Variants in RAPGEFL1 observed in about 807,000 individuals in gnomAD.
The protein encoded by RAPGEFL1 is Rap guanine nucleotide exchange factor like 1.
RAPGEFL1 carries 31 observed loss-of-function variants against 64.4 expected under a neutral mutation model. The ratio of observed to expected loss-of-function variants is 0.48; its 90% CI spans 0.36 to 0.65. The LOEUF (loss-of-function observed/expected upper bound fraction) is 0.65. Among genes scored for constraint, RAPGEFL1 ranks in the 30% least tolerant of loss-of-function variants. The probability of loss-of-function intolerance (pLI) is 0.00; values close to 1 mark genes in which losing one functional copy is unlikely to be tolerated. For missense variants in RAPGEFL1, 682 were observed against 677.4 expected (o/e 1.01, Z -0.08); for synonymous variants, 331 against 274.1 (o/e 1.21, Z -2.05).
chr17:40,183,443 T>C lies in RAPGEFL1; in HGVS notation c.600-771T>C, dbSNP rs565436156. Among the ~76,000 whole-genome samples, 135 of 150,012 alleles carry C rather than the reference T, an allele frequency of 9.0e-4. 4 individuals are homozygous for C. In the South Asian group the frequency reaches 0.024, roughly 27 times the overall value. On this transcript the variant is annotated intron_variant, in intron 2 of 14. Coordinates refer to ENST00000620260, the MANE Select transcript of RAPGEFL1 (RefSeq NM_016339.6). ...GTCTTGGCTTCAGGACCACCGAAAC[T>C]CCTTTCTCTCTGGCCCCAAATCTAG... is the stretch of plus-strand genomic sequence containing the variant.
At chr17:40,184,428 C>A in intron 3 of RAPGEFL1, 79 bp downstream of exon 3, 1 of 1,332,844 alleles carries the variant, frequency 7.5e-7, no homozygotes, top group South Asian at 1.3e-5. Context: ...CCATACTTCT[C>A]ATTCTGGGTA....
At chr17:40,177,123 G>A, upstream of RAPGEFL1, 1 of 702,592 alleles carries the variant, frequency 1.4e-6, no homozygotes, top group Non-Finnish European at 2.6e-6. Context: ...ACATATTTCT[G>A]TGAGTATGAG....
chr17:40,178,175 T>C lies in RAPGEFL1; in HGVS notation c.314T>C (p.Leu105Pro). 1 of 527,140 alleles carries C rather than the reference T, an allele frequency of 1.9e-6. No individual in the cohort carries two copies. The highest frequency in any genetic ancestry group is 2.2e-5 in the South Asian group (1 of 44,552). 32.7% of individuals were successfully genotyped at this position (527,140 alleles called of 1,614,324 possible). The change falls in exon 1 of 15, where the codon CTG (leucine) becomes CCG (proline). Residue 105 changes from leucine (L) to proline (P), a missense_variant. Around this residue, in one of 2 missense-constraint regions of RAPGEFL1, gnomAD observed 271 missense variants for 158.0 expected, o/e 1.72. Coordinates refer to ENST00000620260, the MANE Select transcript of RAPGEFL1 (RefSeq NM_016339.6). ...PGSGGPCWLQ[L>P]EEVPGPGPLG... ...AGCGGGGGGCCCTGCTGGCTGCAGC[T>C]GGAGGAGGTGCCGGGGCCCGGGCCT...
At chr17:40,190,250 G>A (rs1280617222) in intron 6 of RAPGEFL1, among the ~76,000 whole-genome samples, 184 bp from the exon 7 acceptor site, 2 of 152,192 alleles carry the variant, frequency 1.3e-5, no homozygotes, top group African/African-American at 4.8e-5. Flanking sequence ...AGTTATAAAT[G>A]CAAAAGAAAT....
In RAPGEFL1 at chr17:40,189,249, A is replaced by G; in HGVS notation, c.988A>G (p.Ile330Val). The change falls in exon 6 of 15, where the codon ATA becomes GTA. Residue 330 changes from isoleucine to valine, a missense_variant. By Grantham distance (29) the Ile-to-Val change is conservative (BLOSUM62 3). This residue lies in a region of RAPGEFL1 where 411 missense variants were observed against 519.4 expected (regional missense o/e 0.79). Transcript: ENST00000620260. ...VYMPDHSYVT[I>V]RSRLSASVQD... Reference sequence around the variant, plus strand: ...CATGCCTGACCACTCTTATGTGACCATACGCAGCCGCCTTTCAGCATCTGT... The same window carrying G: ...CATGCCTGACCACTCTTATGTGACCGTACGCAGCCGCCTTTCAGCATCTGT... 6.2e-7 allele frequency: 1 copy of G among 1,614,138 alleles called. No individual in the cohort carries two copies. Among genetic ancestry groups the G allele is most frequent in the Non-Finnish European group, 8.5e-7 (1 of 1,179,984 alleles).
Position 40,193,078 on chromosome 17 carries a change from C to A in RAPGEFL1, c.1809+88C>A, listed in dbSNP as rs1265099848. On this transcript the variant is annotated intron_variant, in intron 13 of 14. Transcript: ENST00000620260. ...CTCATCACCTCCCAAAAATAGCAGC[C>A]TTCCTCCAAGTGCCCAGCTTGCCTA... The A allele has an allele frequency of 2.3e-6, 3 of 1,301,054 alleles. No individual in the cohort carries two copies. The African/African-American group carries it at 4.4e-5, about 19-fold the overall frequency. 80.6% of individuals were successfully genotyped at this position (1,301,054 alleles called of 1,614,324 possible).
chr17:40,192,975 GAACATCGAGA>G lies in RAPGEFL1; in HGVS notation c.1796_1805del (p.Asn599SerfsTer9). On this transcript the variant is annotated frameshift_variant, in exon 13 of 15. Coordinates refer to ENST00000620260, the MANE Select transcript of RAPGEFL1 (RefSeq NM_016339.6). LOFTEE classifies it high-confidence loss of function. Reference sequence around the variant, plus strand: ...GTAAGACCCTTGTAGATGGTTTGGTGAACATCGAGAAGCTGGTGAGTGAGTGGCACTGCAA... The same window carrying G: ...GTAAGACCCTTGTAGATGGTTTGGTGAGCTGGTGAGTGAGTGGCACTGCAA... 6.2e-7 allele frequency: 1 copy of G among 1,613,958 alleles called. No homozygotes were observed. Among genetic ancestry groups the G allele is most frequent in the Non-Finnish European group, 8.5e-7 (1 of 1,179,814 alleles).
intron 2 of RAPGEFL1, 118 bp downstream of exon 2, chr17:40,181,812 T>C: frequency 1.6e-6 from 1 of 634,250 alleles, no homozygotes; most frequent in Non-Finnish European, 2.9e-6. Flanking sequence ...CCGAGTGCAG[T>C]GGCTCACACC....
intron 7 of RAPGEFL1, 33 bp from the exon 8 acceptor site, chr17:40,190,607 G>A (rs771510330): frequency 2.5e-6 from 4 of 1,614,026 alleles, no homozygotes; most frequent in Non-Finnish European, 2.5e-6. Flanking sequence ...CTGCCACCAG[G>A]AGCCCAGCCC....
chr17:40,192,780 C>G, intron 12 of RAPGEFL1, 87 bp downstream of exon 12: 1 of 1,433,360 alleles, frequency 7.0e-7, no homozygotes, highest in Non-Finnish European at 9.8e-7. Flanking sequence ...TCCCTCTCGA[C>G]TCAGCCCTGA....
At chr17:40,183,702 G>A (rs1167830014) in intron 2 of RAPGEFL1, among the ~76,000 whole-genome samples, 1 of 149,544 alleles carries the variant, frequency 6.7e-6, no homozygotes, top group Non-Finnish European at 1.5e-5. Flanking sequence ...TGTATTTTTA[G>A]TAGAGATGAG....
Position 40,191,243 on chromosome 17 carries a change from T to C in RAPGEFL1, c.1336-73T>C, listed in dbSNP as rs926608859. The C allele has an allele frequency of 7.2e-7, 1 of 1,394,396 alleles. No individual in the cohort carries two copies. The highest frequency in any genetic ancestry group is 9.5e-7 in the Non-Finnish European group (1 of 1,056,544). The allele number at this position is 1,394,396 out of a possible 1,614,324, so 86.4% of individuals were successfully genotyped here. On this transcript the variant is annotated intron_variant, in intron 8 of 14. Coordinates refer to ENST00000620260, the MANE Select transcript of RAPGEFL1 (RefSeq NM_016339.6). The surrounding 1 kb of genome is among the most constrained non-coding windows in gnomAD (Gnocchi z 5.1). ...TCCTGCCTTTCGCTCCTCATCGCCT[T>C]GCACTGCCATCTTCCCACCCACTCC... is the stretch of plus-strand genomic sequence containing the variant.
At chr17:40,184,416 A>G (rs1028076260) in intron 3 of RAPGEFL1, 67 bp downstream of exon 3, 21 of 1,389,580 alleles carry the variant, frequency 1.5e-5, no homozygotes, top group Non-Finnish European at 2.1e-5. Flanking sequence ...CCTGTGAAGG[A>G]GCCATACTTC....
chr17:40,187,741 G>A (rs1486375678), intron 4 of RAPGEFL1, among the ~76,000 whole-genome samples: 2 of 151,562 alleles, frequency 1.3e-5, no homozygotes, highest in Non-Finnish European at 2.9e-5. Context: ...CTTCTGAGTA[G>A]CTGGGACTAC....
Position 40,181,713 on chromosome 17 carries a change from T to C in RAPGEFL1, c.599+19T>C. The C allele has an allele frequency of 1.4e-6, 1 of 701,984 alleles. No individual in the cohort carries two copies. The highest frequency in any genetic ancestry group is 2.6e-6 in the Non-Finnish European group (1 of 384,352). The allele number at this position is 701,984 out of a possible 1,614,324, so 43.5% of individuals were successfully genotyped here. A position where few individuals can be genotyped will look rare whatever the true frequency, so the allele number is the denominator to read the frequency against. On this transcript the variant is annotated intron_variant, in intron 2 of 14. Transcript: ENST00000620260. ...ACCAGTAATATCCTTTTGTGGAGTT[T>C]GGAAAAGGAGAGGTCAGAAGGGAGC... is the stretch of plus-strand genomic sequence containing the variant.
Position 40,191,689 on chromosome 17 carries a change from C to T in RAPGEFL1, c.1605+17C>T, listed in dbSNP as rs777636900. ...ACCTGGGAGGTGATGAGACCCCTCC[C>T]GTTCCTACCTGGGAATCTGGGCATC... On this transcript the variant is annotated intron_variant, in intron 10 of 14. Coordinates refer to ENST00000620260, the MANE Select transcript of RAPGEFL1 (RefSeq NM_016339.6). The surrounding 1 kb of genome is among the most constrained non-coding windows in gnomAD (Gnocchi z 5.1). 2.5e-6 allele frequency: 4 copies of T among 1,602,362 alleles called. No individual in the cohort carries two copies. The East Asian group carries it at 6.7e-5, about 27-fold the overall frequency.
chr17:40,185,221 G>T (rs1226664870), intron 4 of RAPGEFL1, among the ~76,000 whole-genome samples: 1 of 152,182 alleles, frequency 6.6e-6, no homozygotes, highest in Non-Finnish European at 1.5e-5. Flanking sequence ...AGTGCTGCAG[G>T]AGAAAGAGCC....
chr17:40,177,143 C>T (rs1032715655), upstream of RAPGEFL1: 15 of 702,472 alleles, frequency 2.1e-5, no homozygotes, highest in Non-Finnish European at 3.6e-5. Context: ...GAAAGGTGCA[C>T]ACTCTTGGGT....
chr17:40,190,336 G>A, intron 6 of RAPGEFL1, 98 bp from the exon 7 acceptor site: 1 of 927,564 alleles, frequency 1.1e-6, no homozygotes. Context: ...GAATGTGTCA[G>A]TGTGGGGTGA....
Sources: allele counts gnomAD v4.1 joint callset (sites outside exome capture counted in the v4.1 genomes callset), GRCh38; gene constraint gnomAD v4.1.1; regional missense constraint gnomAD v4.1.1; non-coding constraint Gnocchi (gnomAD v3.1); transcripts MANE v1.5; gene names NCBI Gene and HGNC (gene_info 2026-07-23, HGNC 2026-07-21).